The following PCSK5 variants were observed in gnomAD, a reference collection of about 807,000 sequenced individuals.
PCSK5 encodes proprotein convertase subtilisin/kexin type 5, also known as prohormone convertase 5.
In PCSK5, 129 loss-of-function variants were observed where a neutral mutation model predicts 233.2. The ratio of observed to expected loss-of-function variants is 0.55; its 90% CI spans 0.48 to 0.64. The LOEUF is 0.64. Ranked by LOEUF, PCSK5 falls within the 30% of genes least tolerant of loss-of-function variation. The pLI, the probability that PCSK5 is intolerant of heterozygous loss-of-function variation, is 0.00. For missense variants in PCSK5, 2,076 were observed against 2,430.1 expected, an observed-to-expected ratio of 0.85 and a Z score of 3.06; for synonymous variants, 825 against 879.2, an observed-to-expected ratio of 0.94 and a Z score of 1.09.
intron 2 of PCSK5, among the ~76,000 whole-genome samples, chr9:75,968,836 G>A (rs1383788908): frequency 6.6e-6 from 1 of 152,234 alleles, no homozygotes; most frequent in African/African-American, 2.4e-5. Context: ...TTGATAAGGT[G>A]TGTGAAAACT....
intron 24 of PCSK5, among the ~76,000 whole-genome samples, chr9:76,247,091 A>T (rs1826632179): frequency 6.6e-6 from 1 of 152,198 alleles, no homozygotes; most frequent in Non-Finnish European, 1.5e-5. Flanking sequence ...GAACCTAGGC[A>T]CTTAGTCATG....
chr9:75,895,217 C>G (rs1054322487), intron 1 of PCSK5, among the ~76,000 whole-genome samples: 1 of 152,204 alleles, frequency 6.6e-6, no homozygotes. Context: ...GCTGTGAAAG[C>G]AGGAAAGTCA....
At chr9:76,055,581 A>G (rs757974477) in intron 5 of PCSK5, among the ~76,000 whole-genome samples, 1 of 152,126 alleles carries the variant, frequency 6.6e-6, no homozygotes, top group Non-Finnish European at 1.5e-5. Flanking sequence ...AGTAAAATAT[A>G]CTATCAAATA....
chr9:76,151,361 G>T (rs1210164717), intron 10 of PCSK5, among the ~76,000 whole-genome samples: 1 of 152,170 alleles, frequency 6.6e-6, no homozygotes, highest in African/African-American at 2.4e-5. Flanking sequence ...CTTATAGGTA[G>T]ATGAGAATAG....
chr9:76,322,689 T>C (rs1829242001), intron 31 of PCSK5, among the ~76,000 whole-genome samples: 1 of 152,272 alleles, frequency 6.6e-6, no homozygotes, highest in Non-Finnish European at 1.5e-5. Context: ...GAAAACAGTG[T>C]GAGGTTCTCA....
chr9:76,300,662 T>C (rs554936394), intron 27 of PCSK5, among the ~76,000 whole-genome samples: 35 of 152,326 alleles, frequency 2.3e-4, no homozygotes, highest in African/African-American at 7.7e-4. Flanking sequence ...AGCCTATGTC[T>C]ACACCCTCTA....
At chr9:76,006,017 C>T (rs902088476) in intron 3 of PCSK5, among the ~76,000 whole-genome samples, 20 of 151,026 alleles carry the variant, frequency 1.3e-4, no homozygotes, top group African/African-American at 2.2e-4. Flanking sequence ...CACACCACCA[C>T]GCCCTTTTTT....
chr9:75,915,900 G>C (rs778981647), intron 1 of PCSK5, among the ~76,000 whole-genome samples: 1 of 152,180 alleles, frequency 6.6e-6, no homozygotes, highest in Non-Finnish European at 1.5e-5. Context: ...ACTCAATCTA[G>C]TGCGGGAAGT....
chr9:76,025,251 T>C (rs1828370501), intron 4 of PCSK5, among the ~76,000 whole-genome samples: 1 of 152,068 alleles, frequency 6.6e-6, no homozygotes, highest in Admixed American at 6.6e-5. Context: ...AATAATAAAG[T>C]ATAAGAACAT....
chr9:75,978,919 C>T (rs976828433), intron 2 of PCSK5, among the ~76,000 whole-genome samples: 6 of 135,794 alleles, frequency 4.4e-5, no homozygotes, highest in Non-Finnish European at 6.2e-5. Context: ...GTTGCCCAGG[C>T]TGGAGTGCAA....
At chr9:76,127,302 T>C (rs1166752314) in intron 9 of PCSK5, among the ~76,000 whole-genome samples, 3 of 152,196 alleles carry the variant, frequency 2.0e-5, no homozygotes, top group African/African-American at 7.2e-5. Context: ...ATAAGTATAC[T>C]TGTAGTCCTC....
At chr9:76,350,068 A>T (rs1830077414) in intron 35 of PCSK5, among the ~76,000 whole-genome samples, 1 of 151,406 alleles carries the variant, frequency 6.6e-6, no homozygotes, top group South Asian at 2.1e-4. Context: ...CCTTGAGTCC[A>T]GGAATTTGAG....
chr9:76,153,528 C>T (rs1420714341), intron 10 of PCSK5, among the ~76,000 whole-genome samples: 1 of 152,158 alleles, frequency 6.6e-6, no homozygotes, highest in Non-Finnish European at 1.5e-5. Flanking sequence ...TCAGGCTCAG[C>T]TTTTGCTCTG....
Position 76,002,118 on chromosome 9 carries a change from T to C in PCSK5, c.411+15873T>C, listed in dbSNP as rs973884722. Among the ~76,000 whole-genome samples the C allele has an allele frequency of 1.0e-3, 152 of 152,304 alleles. 1 individual carries two copies. The highest frequency in any genetic ancestry group is 3.5e-3 in the African/African-American group (147 of 41,580). The stretch of plus-strand genomic sequence containing the variant: ...ACATTTATTGAATTCCTCCTATGTA[T>C]CAGGTGTAATTCAACCTGCTAGAGA... On this transcript the variant is annotated intron_variant, in intron 3 of 37. Coordinates refer to ENST00000674117, the MANE Select transcript of PCSK5 (RefSeq NM_001372043.1).
rs767356692 is a variant in PCSK5 at position 76,204,450 on chromosome 9, CTCTCCTCTCT to C, written c.2626+14719_2626+14728del. On this transcript the variant is annotated intron_variant, in intron 20 of 37. Transcript: ENST00000674117. ...TTTTTCTTTCTTTCTTCTCTCTTCCCTCTCCTCTCTTCTCCTCTCTTCTCTCTCTCTTTCT... is the reference window on the plus strand; with the variant it reads ...TTTTTCTTTCTTTCTTCTCTCTTCCCTCTCCTCTCTTCTCTCTCTCTTTCT... 1.8e-3 allele frequency among the ~76,000 whole-genome samples: 266 copies of C among 151,790 alleles called. 3 individuals carry two copies. The highest frequency in any genetic ancestry group is 6.6e-3 in the Admixed American group (101 of 15,210).
intron 9 of PCSK5, among the ~76,000 whole-genome samples, chr9:76,109,802 C>A (rs751789283): frequency 6.6e-6 from 1 of 152,076 alleles, no homozygotes; most frequent in Non-Finnish European, 1.5e-5. Context: ...TCAATCTTTG[C>A]CTGTAAAGTG....
chr9:76,155,199 A>G (rs1823838931), intron 10 of PCSK5, among the ~76,000 whole-genome samples: 1 of 152,180 alleles, frequency 6.6e-6, no homozygotes, highest in Non-Finnish European at 1.5e-5. Flanking sequence ...GAGACCTTAC[A>G]TTCATATGTT....
chr9:76,070,629 T>C (rs1044101604), intron 6 of PCSK5, among the ~76,000 whole-genome samples: 3 of 152,216 alleles, frequency 2.0e-5, no homozygotes, highest in Admixed American at 1.3e-4. Context: ...AGTGGCTATG[T>C]ATATATATGT....
At chr9:76,108,355 T>A (rs1832063482) in intron 9 of PCSK5, among the ~76,000 whole-genome samples, 1 of 152,134 alleles carries the variant, frequency 6.6e-6, no homozygotes, top group African/African-American at 2.4e-5. Context: ...ACCTCTGCCC[T>A]AGGGAGGAAG....
Sources: gnomAD v4.1 joint callset for allele counts (sites outside exome capture counted in the v4.1 genomes callset) on GRCh38, gnomAD v4.1.1 for gene constraint, MANE v1.5 for transcripts, NCBI Gene and HGNC (gene_info 2026-07-23, HGNC 2026-07-21) for gene names.